Variants in ZHX2 observed in about 807,000 individuals in gnomAD.
ZHX2 encodes zinc fingers and homeoboxes 2, also known as zinc fingers and homeoboxes protein 2.
In ZHX2, 6 loss-of-function variants were observed where a neutral mutation model predicts 21.9. The ratio of observed to expected loss-of-function variants is 0.27; its 90% CI spans 0.15 to 0.54. The LOEUF is 0.54. Ranked by LOEUF, ZHX2 falls within the 20% of genes least tolerant of loss-of-function variation. The pLI is 0.95. For missense variants in ZHX2, 908 were observed against 1,090.7 expected, an observed-to-expected ratio of 0.83 and a Z score of 2.36; for synonymous variants, 434 against 437.1, an observed-to-expected ratio of 0.99 and a Z score of 0.09.
chr8:122,816,303 T>C (rs924903358), intron 1 of ZHX2: 2 of 152,186 alleles, frequency 1.3e-5, no homozygotes, highest in Non-Finnish European at 2.9e-5. Context: ...TAGTACAGTG[T>C]AAACATAACT....
In ZHX2 at chr8:122,906,093, T is replaced by G. The variant is rs867109532; in HGVS notation, c.-220+42554T>G. Reference sequence around the variant, plus strand: ...ACCTATCTAAACCCAATTTCAATATTGGATTAAGCAATTATTATAAACCCC... The same window carrying G: ...ACCTATCTAAACCCAATTTCAATATGGGATTAAGCAATTATTATAAACCCC... On this transcript the variant is annotated intron_variant, in intron 2 of 3. Coordinates refer to ENST00000314393, the MANE Select transcript of ZHX2 (RefSeq NM_014943.5). Among the ~76,000 whole-genome samples the G allele has an allele frequency of 2.0e-5, 3 of 152,330 alleles. No homozygotes were observed. The South Asian group carries it at 6.2e-4, about 32-fold the overall frequency.
chr8:122,970,613 G>T (rs1813696377), intron 3 of ZHX2, among the ~76,000 whole-genome samples: 1 of 152,234 alleles, frequency 6.6e-6, no homozygotes, highest in Admixed American at 6.5e-5. Context: ...CTTTAGCCGG[G>T]TTGGGAGAAA....
At chr8:122,870,854 A>T (rs1819415369) in intron 2 of ZHX2, among the ~76,000 whole-genome samples, 1 of 152,096 alleles carries the variant, frequency 6.6e-6, no homozygotes, top group Admixed American at 6.6e-5. Flanking sequence ...CAGAGAAAGA[A>T]TGGACTGCAT....
intron 2 of ZHX2, among the ~76,000 whole-genome samples, chr8:122,910,134 G>GA (rs34307909): frequency 1.4e-4 from 20 of 147,334 alleles, no homozygotes; most frequent in South Asian, 4.3e-4. Flanking sequence ...TCAAAGTAGG[G>GA]AAAAAAAAAA....
At chr8:122,826,395 A>G (rs1818267156) in intron 1 of ZHX2, among the ~76,000 whole-genome samples, 1 of 152,238 alleles carries the variant, frequency 6.6e-6, no homozygotes, top group Non-Finnish European at 1.5e-5. Context: ...TTTAAGGCTC[A>G]TGATACCCAG....
chr8:122,786,723 A>T (rs1472158380), intron 1 of ZHX2, among the ~76,000 whole-genome samples: 1 of 124,738 alleles, frequency 8.0e-6, no homozygotes, highest in Admixed American at 8.2e-5. Flanking sequence ...GCCTCCCCCC[A>T]CCCCCAGTAC....
In ZHX2 at chr8:122,835,782, G is replaced by A. The variant is rs116019267; in HGVS notation, c.-282-27695G>A. On this transcript the variant is annotated intron_variant, in intron 1 of 3. Coordinates refer to ENST00000314393, the MANE Select transcript of ZHX2 (RefSeq NM_014943.5). ...TGTGATTTGAGAATAAAAAGGCCTG[G>A]ACATAAGGAACTTCTCATTTCTTCA... 2.0e-3 allele frequency among the ~76,000 whole-genome samples: 300 copies of A among 152,282 alleles called. 1 individual carries two copies. Among genetic ancestry groups the A allele is most frequent in the African/African-American group, 6.9e-3 (287 of 41,554 alleles).
chr8:122,849,527 T>G (rs1818837704), intron 1 of ZHX2, among the ~76,000 whole-genome samples: 1 of 152,104 alleles, frequency 6.6e-6, no homozygotes, highest in Non-Finnish European at 1.5e-5. Flanking sequence ...TTTTTTTGCC[T>G]CTTCTGGCTT....
chr8:122,945,436 CAAAAAAAAAAAAA>C lies in ZHX2; in HGVS notation c.-219-5841_-219-5829del, dbSNP rs60890533. On this transcript the variant is annotated intron_variant, in intron 2 of 3. Coordinates refer to ENST00000314393, the MANE Select transcript of ZHX2 (RefSeq NM_014943.5). The stretch of plus-strand genomic sequence containing the variant: ...CTCTTTTATATAAACCCTGTCTCTG[CAAAAAAAAAAAAA>C]AAAAAAAAAAAAAAGGCATGTATTC... Among the ~76,000 whole-genome samples, 104 of 73,668 alleles carry C rather than the reference CAAAAAAAAAAAAA, an allele frequency of 1.4e-3. 1 individual carries two copies. Among genetic ancestry groups the C allele is most frequent in the African/African-American group, 3.5e-3 (56 of 15,990 alleles). 48.3% of individuals were successfully genotyped at this position (73,668 alleles called of 152,430 possible).
intron 2 of ZHX2, among the ~76,000 whole-genome samples, chr8:122,923,681 C>T (rs1276440380): frequency 6.6e-6 from 1 of 152,104 alleles, no homozygotes; most frequent in African/African-American, 2.4e-5. Flanking sequence ...TCTGAGAAGC[C>T]GATGGTGGAG....
intron 2 of ZHX2, among the ~76,000 whole-genome samples, chr8:122,920,603 G>A (rs79043702): frequency 0.038 from 5,750 of 152,274 alleles, 127 homozygotes; most frequent in African/African-American, 0.049. Flanking sequence ...GGACTCATGC[G>A]GTGTGGTGTA....
chr8:122,943,981 C>G (rs1812908244), intron 2 of ZHX2, among the ~76,000 whole-genome samples: 1 of 152,214 alleles, frequency 6.6e-6, no homozygotes, highest in African/African-American at 2.4e-5. Context: ...ACACCCCTGC[C>G]CCTTACCCCC....
chr8:122,876,549 G>A (rs1245443729), intron 2 of ZHX2, among the ~76,000 whole-genome samples: 4 of 152,196 alleles, frequency 2.6e-5, no homozygotes, highest in Non-Finnish European at 4.4e-5. Context: ...GAAAATGCAA[G>A]TGTTCTGGAG....
At chr8:122,899,729 A>G (rs1487264114) in intron 2 of ZHX2, among the ~76,000 whole-genome samples, 1 of 152,182 alleles carries the variant, frequency 6.6e-6, no homozygotes, top group Non-Finnish European at 1.5e-5. Flanking sequence ...CCTGTCTTAC[A>G]TGGAAAATCA....
chr8:122,862,924 G>A (rs746541444), intron 1 of ZHX2, among the ~76,000 whole-genome samples: 3 of 152,202 alleles, frequency 2.0e-5, no homozygotes, highest in South Asian at 2.1e-4. Context: ...TCAGAACCGG[G>A]CACATGCCTT....
chr8:122,974,331 A>G lies in ZHX2; in HGVS notation c.*1094A>G, dbSNP rs1319184629. Reference sequence around the variant, plus strand: ...CTTTTAAAAGAAGGAAAACCAAGAGACATATCTGGTGTACGTGTTGCAGTA... The same window carrying G: ...CTTTTAAAAGAAGGAAAACCAAGAGGCATATCTGGTGTACGTGTTGCAGTA... On this transcript the variant is annotated 3_prime_UTR_variant, in exon 4 of 4. Transcript: ENST00000314393. The G allele has an allele frequency of 6.6e-6, 1 of 152,324 alleles. No homozygotes were observed. The highest frequency in any genetic ancestry group is 1.5e-5 in the Non-Finnish European group (1 of 67,986). 9.4% of individuals were successfully genotyped at this position (152,324 alleles called of 1,614,324 possible).
Position 122,889,226 on chromosome 8 carries a change from C to T in ZHX2, c.-220+25687C>T, listed in dbSNP as rs556421246. On this transcript the variant is annotated intron_variant, in intron 2 of 3. Coordinates refer to ENST00000314393, the MANE Select transcript of ZHX2 (RefSeq NM_014943.5). ...TCTCTTCAACATACTGATTTTGTTT[C>T]CTTTGGATATATACCCAGTAGTGGG... Among the ~76,000 whole-genome samples the T allele has an allele frequency of 9.2e-5, 14 of 152,124 alleles. No individual in the cohort carries two copies. The South Asian group carries it at 2.9e-3, about 32-fold the overall frequency.
intron 1 of ZHX2, among the ~76,000 whole-genome samples, chr8:122,798,342 T>G (rs1223021409): frequency 6.6e-6 from 1 of 152,092 alleles, no homozygotes; most frequent in Non-Finnish European, 1.5e-5. Context: ...GTGGGTTCAG[T>G]TTAGACTTGT....
intron 2 of ZHX2, among the ~76,000 whole-genome samples, chr8:122,868,998 A>C (rs1643856250): frequency 1.3e-5 from 2 of 152,214 alleles, no homozygotes; most frequent in Admixed American, 1.3e-4. Context: ...CTGGGGCTCT[A>C]AGGCAGACAA....
Sources: gnomAD v4.1 joint callset for allele counts (sites outside exome capture counted in the v4.1 genomes callset) on GRCh38, gnomAD v4.1.1 for gene constraint, MANE v1.5 for transcripts, NCBI Gene and HGNC (gene_info 2026-07-23, HGNC 2026-07-21) for gene names.